TFDP2: variants seen among roughly 807,000 people sequenced by gnomAD.
TFDP2 encodes transcription factor Dp-2.
In TFDP2, 17 loss-of-function variants were observed where a neutral mutation model predicts 59.3. The observed-to-expected ratio is 0.29, with a 90% confidence interval of 0.20 to 0.43. The LOEUF is 0.43. Among genes scored for constraint, TFDP2 ranks in the 20% least tolerant of loss-of-function variants. TFDP2 has a pLI of 1.00. For missense variants in TFDP2, 391 were observed against 528.8 expected (o/e 0.74, Z 2.56); for synonymous variants, 180 against 194.7 (o/e 0.92, Z 0.63).
At chr3:142,057,083 T>C (rs1342300450) in intron 3 of TFDP2, among the ~76,000 whole-genome samples, 1 of 152,232 alleles carries the variant, frequency 6.6e-6, no homozygotes, top group East Asian at 1.9e-4. Context: ...TCACTGGCCA[T>C]GTGGAGTCAC....
chr3:141,959,414 A>G (rs1161754246), intron 11 of TFDP2, among the ~76,000 whole-genome samples: 1 of 152,202 alleles, frequency 6.6e-6, no homozygotes, highest in Non-Finnish European at 1.5e-5. Flanking sequence ...ATCTCTCTGA[A>G]GAGCCAAATT....
chr3:142,029,928 G>C (rs1448091025), intron 3 of TFDP2, among the ~76,000 whole-genome samples: 1 of 152,186 alleles, frequency 6.6e-6, no homozygotes, highest in African/African-American at 2.4e-5. Flanking sequence ...AACTCTCCTA[G>C]ATGACTAAGG....
intron 1 of TFDP2, among the ~76,000 whole-genome samples, chr3:142,141,106 C>T (rs2062942261): frequency 6.6e-6 from 1 of 152,218 alleles, no homozygotes; most frequent in Non-Finnish European, 1.5e-5. Flanking sequence ...CGGCTGCAGC[C>T]TCACAGGTCC....
Position 142,083,091 on chromosome 3 carries a change from C to T in TFDP2, c.82+9970G>A, listed in dbSNP as rs551347645. ...GAAGAAGTCAAATTATCCCTGTTTG[C>T]AGATAATATATTACATTTTGAAAAA... On this transcript the variant is annotated intron_variant, in intron 3 of 12. Coordinates refer to ENST00000489671, the MANE Select transcript of TFDP2 (RefSeq NM_001178139.2). Among the ~76,000 whole-genome samples the T allele has an allele frequency of 5.3e-5, 8 of 152,264 alleles. No homozygotes were observed. In the South Asian group the frequency reaches 1.7e-3, roughly 32 times the overall value.
chr3:142,132,336 T>C (rs556392767), intron 1 of TFDP2, among the ~76,000 whole-genome samples: 3 of 150,206 alleles, frequency 2.0e-5, no homozygotes, highest in African/African-American at 5.0e-5. Context: ...CTAATGAGTA[T>C]GGGGTTTTTT....
At chr3:142,134,660 A>C (rs189544648) in intron 1 of TFDP2, among the ~76,000 whole-genome samples, 122 of 152,212 alleles carry the variant, frequency 8.0e-4, no homozygotes, top group African/African-American at 2.8e-3. Flanking sequence ...TTTTGCTCAC[A>C]GCCAATCTGA....
rs1056993263 is a variant in TFDP2, at chr3:141,974,031, C to T, written c.663+17G>A. The stretch of plus-strand genomic sequence containing the variant: ...AATAATGCAAACAGCTATTCATAAA[C>T]AGATTTTCTCACTTACCTCCAGATT... On this transcript the variant is annotated intron_variant, in intron 8 of 12. Transcript: ENST00000489671. 6.2e-7 allele frequency: 1 copy of T among 1,604,516 alleles called. No individual in the cohort carries two copies. Among genetic ancestry groups the T allele is most frequent in the African/African-American group, 1.3e-5 (1 of 74,420 alleles).
chr3:141,956,030 A>C (rs1576446195), intron 11 of TFDP2, among the ~76,000 whole-genome samples: 1 of 151,844 alleles, frequency 6.6e-6, no homozygotes, highest in African/African-American at 2.4e-5. Flanking sequence ...CTGGTCTTGA[A>C]CTCCTAACCT....
intron 11 of TFDP2, among the ~76,000 whole-genome samples, chr3:141,955,227 G>T (rs1233970090): frequency 2.0e-5 from 3 of 152,032 alleles, no homozygotes; most frequent in Non-Finnish European, 4.4e-5. Context: ...CCACACAATG[G>T]TTCTCACACT....
At chr3:142,106,679 T>G (rs867095939) in intron 1 of TFDP2, among the ~76,000 whole-genome samples, 3 of 152,150 alleles carry the variant, frequency 2.0e-5, no homozygotes, top group Admixed American at 6.5e-5. Flanking sequence ...TTCTGTTAGT[T>G]AAAAAAATAA....
intron 2 of TFDP2, among the ~76,000 whole-genome samples, chr3:142,100,443 G>T (rs954219137): frequency 6.6e-6 from 1 of 152,146 alleles, no homozygotes; most frequent in Non-Finnish European, 1.5e-5. Flanking sequence ...GGTAATCTCA[G>T]CTTACTGCAA....
At chr3:142,062,990 A>G (rs2108520706) in intron 3 of TFDP2, among the ~76,000 whole-genome samples, 1 of 152,344 alleles carries the variant, frequency 6.6e-6, no homozygotes, top group East Asian at 1.9e-4. Flanking sequence ...AGCACAAGGC[A>G]TGCTTCTAGG....
intron 3 of TFDP2, among the ~76,000 whole-genome samples, chr3:142,006,395 A>G (rs1314129684): frequency 6.6e-6 from 1 of 151,678 alleles, no homozygotes; most frequent in Non-Finnish European, 1.5e-5. Context: ...CAACAAAGAC[A>G]TTTCCTTCTT....
At chr3:142,040,374 G>C (rs1162779830) in intron 3 of TFDP2, among the ~76,000 whole-genome samples, 3 of 152,192 alleles carry the variant, frequency 2.0e-5, no homozygotes, top group African/African-American at 7.2e-5. Context: ...AGAACTGCCT[G>C]AGGCCAGGAG....
chr3:142,055,249 A>G (rs2059701467), intron 3 of TFDP2, among the ~76,000 whole-genome samples: 1 of 152,242 alleles, frequency 6.6e-6, no homozygotes, highest in Admixed American at 6.5e-5. Context: ...ATAGTAATCC[A>G]TCTCAGTAAG....
chr3:142,001,335 A>G (rs1943747076), intron 4 of TFDP2, among the ~76,000 whole-genome samples: 2 of 152,208 alleles, frequency 1.3e-5, no homozygotes, highest in Admixed American at 1.3e-4. Context: ...GCTAAGGAGC[A>G]CTGTGCCAAA....
chr3:142,056,143 G>T (rs1389532564), intron 3 of TFDP2, among the ~76,000 whole-genome samples: 3 of 151,062 alleles, frequency 2.0e-5, no homozygotes, highest in Admixed American at 2.0e-4. Flanking sequence ...TAGTAGAGAT[G>T]GGGTTTCACC....
At position 141,995,091 on chromosome 3, in the gene TFDP2, C is replaced by A. The variant is rs750052747; in HGVS notation, c.237G>T (p.Gly79=). 12 of 1,610,358 alleles carry A rather than the reference C, an allele frequency of 7.5e-6. No individual in the cohort carries two copies. The highest frequency in any genetic ancestry group is 9.3e-6 in the Non-Finnish European group (11 of 1,178,050). The change falls in exon 5 of 13, where the codon GGG becomes GGT. Residue 79 remains glycine, a synonymous_variant. Coordinates refer to ENST00000489671, the MANE Select transcript of TFDP2 (RefSeq NM_001178139.2). ...TTGCTGGTGCAGGGGTATATGGACT[C>A]CCAATCAGAACACTTCCTGAACTGG... The part of the protein sequence containing the change: ...RLTSSGSVLI[G]SPYTPAPAMV...
At chr3:142,123,027 G>A (rs529548579) in intron 1 of TFDP2, among the ~76,000 whole-genome samples, 27 of 151,496 alleles carry the variant, frequency 1.8e-4, no homozygotes, top group African/African-American at 4.6e-4. Context: ...GCGCGATCTC[G>A]GCTCACTGCA....
Sources: gnomAD v4.1 joint callset for allele counts (sites outside exome capture counted in the v4.1 genomes callset) on GRCh38, gnomAD v4.1.1 for gene constraint, MANE v1.5 for transcripts, NCBI Gene and HGNC (gene_info 2026-07-23, HGNC 2026-07-21) for gene names.